The following VGLL3 variants were observed in gnomAD, a reference collection of about 807,000 sequenced individuals.
VGLL3 encodes the protein transcription cofactor vestigial-like protein 3.
VGLL3 carries 18 observed loss-of-function variants against 29.2 expected under a neutral mutation model. The ratio of observed to expected loss-of-function variants is 0.62; its 90% confidence interval spans 0.43 to 0.91. The LOEUF (loss-of-function observed/expected upper bound fraction) is 0.91, where lower values mean the gene tolerates loss of function less well. VGLL3 is among the 40% of genes least tolerant of loss of function. The probability of loss-of-function intolerance (pLI) is 0.00; values close to 1 mark genes in which losing one functional copy is unlikely to be tolerated. For synonymous variants in VGLL3, 180 were observed against 151.8 expected, an observed-to-expected ratio of 1.19 and a Z score of -1.36; for missense variants, 440 against 413.2, an observed-to-expected ratio of 1.06 and a Z score of -0.56.
At position 86,941,670 on chromosome 3, in the gene VGLL3, A is replaced by G. The variant is rs1480275014; in HGVS notation, c.*5354T>C. 6.6e-6 allele frequency: 1 copy of G among 152,110 alleles called. No individual in the cohort carries two copies. Among genetic ancestry groups the G allele is most frequent in the African/African-American group, 2.4e-5 (1 of 41,448 alleles). The allele number at this position is 152,110 out of a possible 1,614,324, so 9.4% of individuals were successfully genotyped here. A position where few individuals can be genotyped will look rare whatever the true frequency, so the allele number is the denominator to read the frequency against. ...CTTTAAAACTATAAAAGTATTTTTA[A>G]ACAAAAAAGCACAATAGACAATAAA... On this transcript the variant is annotated 3_prime_UTR_variant, in exon 4 of 4. Transcript: ENST00000398399.
chr3:86,990,180 A>G, intron 1 of VGLL3: 1 of 349,166 alleles, frequency 2.9e-6, no homozygotes, highest in Non-Finnish European at 4.0e-6. Flanking sequence ...TCGTGAACTC[A>G]CTCTCCAGGT....
At chr3:86,980,440 C>T (rs1705300907) in intron 1 of VGLL3, among the ~76,000 whole-genome samples, 1 of 151,996 alleles carries the variant, frequency 6.6e-6, no homozygotes, top group Non-Finnish European at 1.5e-5. Flanking sequence ...ATGTGTTTTG[C>T]TTTTATTTAA....
At chr3:86,948,141 A>G (rs993023520) in intron 3 of VGLL3, among the ~76,000 whole-genome samples, 2 of 152,204 alleles carry the variant, frequency 1.3e-5, no homozygotes, top group African/African-American at 4.8e-5. Flanking sequence ...TGTTTGGAAG[A>G]GTAAAAACAC....
chr3:86,966,010 T>C (rs1704950667), intron 3 of VGLL3, among the ~76,000 whole-genome samples: 1 of 152,162 alleles, frequency 6.6e-6, no homozygotes, highest in Non-Finnish European at 1.5e-5. Context: ...TAGAGAGATG[T>C]AATATTTGTC....
At chr3:86,974,658 T>A (rs1055603079) in intron 2 of VGLL3, among the ~76,000 whole-genome samples, 1 of 152,210 alleles carries the variant, frequency 6.6e-6, no homozygotes, top group Non-Finnish European at 1.5e-5. Context: ...GTCTAAAGAT[T>A]TACCGTGTAA....
Position 86,991,004 on chromosome 3 carries a change from A to G in VGLL3, c.-261T>C. The G allele has an allele frequency of 1.1e-6, 1 of 923,360 alleles. No individual in the cohort carries two copies. Among genetic ancestry groups the G allele is most frequent in the African/African-American group, 1.8e-5 (1 of 56,466 alleles). 57.2% of individuals were successfully genotyped at this position (923,360 alleles called of 1,614,324 possible). ...CCCTGCCGCGCTTATATAGCGGCTC[A>G]GGGACGCAGCCGCCCGCTGCGCCGC... On this transcript the variant is annotated 5_prime_UTR_variant, in exon 1 of 4. The change abolishes the stop of an existing upstream ORF in the 5' untranslated region. Coordinates refer to ENST00000398399, the MANE Select transcript of VGLL3 (RefSeq NM_016206.4).
intron 1 of VGLL3, among the ~76,000 whole-genome samples, chr3:86,982,285 C>T (rs965097688): frequency 3.9e-5 from 6 of 152,132 alleles, no homozygotes; most frequent in Non-Finnish European, 7.3e-5. Flanking sequence ...GCTGGGATTA[C>T]AGGTGCCTGC....
intron 1 of VGLL3, among the ~76,000 whole-genome samples, chr3:86,980,164 G>T (rs909625042): frequency 6.7e-5 from 10 of 149,862 alleles, no homozygotes; most frequent in African/African-American, 2.2e-4. Context: ...ACGCATGCTG[G>T]AAAATGAATG....
chr3:86,974,001 C>G (rs1484484066), intron 2 of VGLL3, among the ~76,000 whole-genome samples: 1 of 152,040 alleles, frequency 6.6e-6, no homozygotes, highest in East Asian at 1.9e-4. Flanking sequence ...ATGTTTAGCG[C>G]TGTGCTAAAT....
chr3:86,970,880 G>T (rs1705087628), intron 2 of VGLL3, among the ~76,000 whole-genome samples: 1 of 152,062 alleles, frequency 6.6e-6, no homozygotes, highest in East Asian at 1.9e-4. Context: ...TCTTTCCATG[G>T]TTTACTTTCT....
intron 2 of VGLL3, among the ~76,000 whole-genome samples, chr3:86,976,106 C>A (rs1419184930): frequency 6.6e-6 from 1 of 151,914 alleles, no homozygotes; most frequent in East Asian, 1.9e-4. Flanking sequence ...AAGAGCGAAA[C>A]TCCATCTCAA....
chr3:86,985,898 C>T (rs1705429847), intron 1 of VGLL3, among the ~76,000 whole-genome samples: 1 of 152,080 alleles, frequency 6.6e-6, no homozygotes, highest in Non-Finnish European at 1.5e-5. Context: ...GCTAAGCACC[C>T]AGGTCTTAGA....
At chr3:86,968,556 C>A in intron 3 of VGLL3, 34 bp downstream of exon 3, 1 of 1,554,330 alleles carries the variant, frequency 6.4e-7, no homozygotes. Context: ...TTAACTTTAT[C>A]TTGTTATAGG....
chr3:86,972,885 C>T (rs545804251), intron 2 of VGLL3, among the ~76,000 whole-genome samples: 1 of 151,526 alleles, frequency 6.6e-6, no homozygotes, highest in Admixed American at 6.5e-5. Flanking sequence ...CACATACATA[C>T]ACACGAGTTT....
intron 3 of VGLL3, among the ~76,000 whole-genome samples, chr3:86,961,437 A>G (rs1054758106): frequency 6.6e-6 from 1 of 152,210 alleles, no homozygotes; most frequent in African/African-American, 2.4e-5. Flanking sequence ...ACAACATTTC[A>G]CTAAAATGCC....
At chr3:86,965,665 A>G (rs1296748680) in intron 3 of VGLL3, among the ~76,000 whole-genome samples, 1 of 152,134 alleles carries the variant, frequency 6.6e-6, no homozygotes, top group African/African-American at 2.4e-5. Flanking sequence ...CTCTTTGGGA[A>G]TTGCCTTCAG....
intron 1 of VGLL3, among the ~76,000 whole-genome samples, chr3:86,983,612 C>G (rs1264681213): frequency 6.6e-6 from 1 of 152,078 alleles, no homozygotes; most frequent in Non-Finnish European, 1.5e-5. Context: ...TCTCCAACTC[C>G]CGGCCTTAAG....
At chr3:86,972,610 T>G (rs1318151499) in intron 2 of VGLL3, among the ~76,000 whole-genome samples, 1 of 152,208 alleles carries the variant, frequency 6.6e-6, no homozygotes, top group Non-Finnish European at 1.5e-5. Flanking sequence ...TATGAGTACT[T>G]AATCACAGCC....
At chr3:86,973,802 A>G (rs1705154168) in intron 2 of VGLL3, among the ~76,000 whole-genome samples, 1 of 152,218 alleles carries the variant, frequency 6.6e-6, no homozygotes. Context: ...TTGCCCAAGC[A>G]GACCCTATGT....
Sources: allele counts gnomAD v4.1 joint callset (sites outside exome capture counted in the v4.1 genomes callset), GRCh38; gene constraint gnomAD v4.1.1; transcripts MANE v1.5; gene names NCBI Gene and HGNC (gene_info 2026-07-23, HGNC 2026-07-21).